Variants in GRID2 observed in about 807,000 individuals in gnomAD.
GRID2 encodes glutamate ionotropic receptor delta type subunit 2.
GRID2 carries 33 observed loss-of-function variants against 114.8 expected under a neutral mutation model. The ratio of observed to expected loss-of-function variants is 0.29; its 90% CI spans 0.22 to 0.38. The LOEUF (loss-of-function observed/expected upper bound fraction) is 0.38, where lower values mean the gene tolerates loss of function less well. GRID2 is among the 10% of genes least tolerant of loss of function. The pLI is 1.00. For missense variants in GRID2, 1,184 were observed against 1,257.7 expected (o/e 0.94, Z 0.89); for synonymous variants, 505 against 449.9 (o/e 1.12, Z -1.55).
intron 1 of GRID2, among the ~76,000 whole-genome samples, chr4:92,553,512 T>C (rs1726699136): frequency 6.6e-6 from 1 of 152,176 alleles, no homozygotes; most frequent in African/African-American, 2.4e-5. Context: ...ATTTGATTTA[T>C]AGGTATTTTT....
At chr4:92,889,934 CA>C (rs1260175880) in intron 2 of GRID2, among the ~76,000 whole-genome samples, 1 of 152,094 alleles carries the variant, frequency 6.6e-6, no homozygotes, top group Admixed American at 6.6e-5. Flanking sequence ...ACCAATGGAA[CA>C]GAACAGAGGC....
chr4:93,711,833 T>A (rs1160429781), intron 14 of GRID2, among the ~76,000 whole-genome samples: 1 of 152,184 alleles, frequency 6.6e-6, no homozygotes, highest in African/African-American at 2.4e-5. Context: ...GCCTCTTTCC[T>A]CGATACAATG....
At chr4:92,944,460 G>T (rs1199484141) in intron 2 of GRID2, among the ~76,000 whole-genome samples, 1 of 152,166 alleles carries the variant, frequency 6.6e-6, no homozygotes, top group Non-Finnish European at 1.5e-5. Flanking sequence ...CGATTTTCCA[G>T]GTGCCGTCTG....
intron 2 of GRID2, among the ~76,000 whole-genome samples, chr4:93,027,095 C>A (rs781482993): frequency 6.6e-6 from 1 of 152,020 alleles, no homozygotes; most frequent in Non-Finnish European, 1.5e-5. Context: ...GTTTGTTTTA[C>A]ATATAAAATC....
At chr4:92,416,219 G>A (rs1731610923) in intron 1 of GRID2, among the ~76,000 whole-genome samples, 1 of 151,928 alleles carries the variant, frequency 6.6e-6, no homozygotes, top group Non-Finnish European at 1.5e-5. Context: ...AGAATCATCT[G>A]CTCATGTCAT....
At chr4:93,301,710 C>G (rs1246786502) in intron 8 of GRID2, among the ~76,000 whole-genome samples, 3 of 152,094 alleles carry the variant, frequency 2.0e-5, no homozygotes, top group Admixed American at 2.0e-4. Flanking sequence ...TGGGTCAGTG[C>G]TTACGATATC....
chr4:92,647,571 T>C (rs1284552107), intron 2 of GRID2, among the ~76,000 whole-genome samples: 4 of 149,544 alleles, frequency 2.7e-5, no homozygotes, highest in Non-Finnish European at 5.9e-5. Context: ...TTTCTCATTA[T>C]TTAGGTAAAG....
chr4:93,268,269 A>T (rs549249251), intron 8 of GRID2, among the ~76,000 whole-genome samples: 12 of 152,312 alleles, frequency 7.9e-5, no homozygotes, highest in African/African-American at 2.9e-4. Context: ...AACACTCAAG[A>T]AAGAGAAATA....
chr4:93,591,956 T>C (rs1336483114), intron 13 of GRID2, among the ~76,000 whole-genome samples: 1 of 152,194 alleles, frequency 6.6e-6, no homozygotes, highest in Admixed American at 6.5e-5. Context: ...TTTTTTTCTT[T>C]ATTAGTCTTG....
intron 1 of GRID2, among the ~76,000 whole-genome samples, chr4:92,461,158 T>A (rs10000919): frequency 0.4 from 60,729 of 151,546 alleles, 13,441 homozygotes; most frequent in African/African-American, 0.6. Flanking sequence ...TAAAGTAAAA[T>A]ATTTTATCAG....
Position 92,442,436 on chromosome 4 carries a change from G to T in GRID2, c.88+137692G>T, listed in dbSNP as rs765216085. Among the ~76,000 whole-genome samples, 292 of 151,898 alleles carry T rather than the reference G, an allele frequency of 1.9e-3. 1 individual carries two copies. The highest frequency in any genetic ancestry group is 9.7e-4 in the East Asian group (5 of 5,142). The stretch of plus-strand genomic sequence containing the variant: ...TTCCGGCAAGTGTAGCAAGCTCCTT[G>T]GGGAGGAGGTTCTGGAGGAACGCCT... On this transcript the variant is annotated intron_variant, in intron 1 of 15. Transcript: ENST00000282020.
At chr4:93,236,043 G>A (rs1442631542) in intron 7 of GRID2, among the ~76,000 whole-genome samples, 6 of 152,040 alleles carry the variant, frequency 3.9e-5, no homozygotes, top group African/African-American at 1.4e-4. Flanking sequence ...AGGTAGATGT[G>A]TGATTATGAA....
At chr4:93,661,212 T>A (rs1348762172) in intron 14 of GRID2, among the ~76,000 whole-genome samples, 1 of 152,228 alleles carries the variant, frequency 6.6e-6, no homozygotes, top group Non-Finnish European at 1.5e-5. Flanking sequence ...TCTTGCATTG[T>A]TTTCATGGTC....
intron 8 of GRID2, among the ~76,000 whole-genome samples, chr4:93,246,448 G>A (rs1748216665): frequency 6.6e-6 from 1 of 151,854 alleles, no homozygotes; most frequent in Non-Finnish European, 1.5e-5. Flanking sequence ...TTAGCTGGGT[G>A]TGGTGGCGGG....
intron 1 of GRID2, among the ~76,000 whole-genome samples, chr4:92,413,922 ATTTT>A (rs912894509): frequency 5.3e-5 from 8 of 152,218 alleles, no homozygotes; most frequent in Non-Finnish European, 2.9e-5. Flanking sequence ...TTGACAGAGG[ATTTT>A]TTTAAATGTA....
chr4:92,943,598 C>G (rs1454282559), intron 2 of GRID2, among the ~76,000 whole-genome samples: 3 of 152,194 alleles, frequency 2.0e-5, no homozygotes, highest in Non-Finnish European at 2.9e-5. Flanking sequence ...CATTCTCCAT[C>G]CAGCTTTGTT....
chr4:92,338,331 A>G (rs1727292682), intron 1 of GRID2, among the ~76,000 whole-genome samples: 1 of 152,206 alleles, frequency 6.6e-6, no homozygotes, highest in African/African-American at 2.4e-5. Flanking sequence ...TAGAATATAC[A>G]TTGTGAACAG....
intron 2 of GRID2, among the ~76,000 whole-genome samples, chr4:92,724,092 C>T (rs1408961685): frequency 6.6e-6 from 1 of 151,988 alleles, no homozygotes; most frequent in Non-Finnish European, 1.5e-5. Context: ...ATTTGACACC[C>T]TAATGGTACA....
At chr4:92,791,442 T>C (rs561017487) in intron 2 of GRID2, among the ~76,000 whole-genome samples, 10 of 152,000 alleles carry the variant, frequency 6.6e-5, no homozygotes, top group Non-Finnish European at 1.2e-4. Flanking sequence ...AAATGTCAGA[T>C]ATAATTTTTA....
Sources: allele counts gnomAD v4.1 joint callset (sites outside exome capture counted in the v4.1 genomes callset), GRCh38; gene constraint gnomAD v4.1.1; transcripts MANE v1.5; gene names NCBI Gene and HGNC (gene_info 2026-07-23, HGNC 2026-07-21).